The following KDM7A variants were observed in gnomAD, a reference collection of about 807,000 sequenced individuals.
KDM7A encodes lysine-specific demethylase 7A.
KDM7A carries 28 observed loss-of-function variants against 114.8 expected under a neutral mutation model. The ratio of observed to expected loss-of-function variants is 0.24; its 90% confidence interval spans 0.18 to 0.33. The LOEUF is 0.33. KDM7A is among the 10% of genes least tolerant of loss of function. KDM7A has a pLI of 1.00. For missense variants in KDM7A, 942 were observed against 1,142.5 expected (o/e 0.82, Z 2.53); for synonymous variants, 423 against 397.8 (o/e 1.06, Z -0.75).
intron 1 of KDM7A, among the ~76,000 whole-genome samples, chr7:140,160,656 C>T (rs887030844): frequency 6.6e-6 from 1 of 152,108 alleles, no homozygotes; most frequent in Non-Finnish European, 1.5e-5. Context: ...AACAAGTGAT[C>T]CTGAGGGAGA....
chr7:140,122,998 C>T (rs1818639582), intron 7 of KDM7A, among the ~76,000 whole-genome samples: 1 of 152,158 alleles, frequency 6.6e-6, no homozygotes. Flanking sequence ...ATAAAGAATG[C>T]TTACAAACTC....
At chr7:140,159,089 T>C (rs994285026) in intron 1 of KDM7A, among the ~76,000 whole-genome samples, 2 of 152,226 alleles carry the variant, frequency 1.3e-5, no homozygotes, top group African/African-American at 4.8e-5. Context: ...CTCATACCTG[T>C]AATCCCACAC....
chr7:140,162,378 A>G (rs1794530376), intron 1 of KDM7A, among the ~76,000 whole-genome samples: 1 of 152,116 alleles, frequency 6.6e-6, no homozygotes, highest in Non-Finnish European at 1.5e-5. Flanking sequence ...ACAGGAGTCC[A>G]TATTAGATGT....
At chr7:140,167,958 AT>A (rs975273178) in intron 1 of KDM7A, among the ~76,000 whole-genome samples, 16 of 152,340 alleles carry the variant, frequency 1.1e-4, no homozygotes, top group Middle Eastern at 6.8e-3. Context: ...AGAAAAAAAA[AT>A]GTAACCAGAT....
chr7:140,112,680 A>G (rs895894660), intron 10 of KDM7A, among the ~76,000 whole-genome samples: 2 of 152,034 alleles, frequency 1.3e-5, no homozygotes, highest in Non-Finnish European at 2.9e-5. Context: ...CACCTATTAA[A>G]GTATTATGTG....
intron 2 of KDM7A, among the ~76,000 whole-genome samples, chr7:140,137,168 C>T (rs1449220328): frequency 1.3e-5 from 2 of 152,020 alleles, no homozygotes; most frequent in East Asian, 3.8e-4. Flanking sequence ...CAGAGTTGGA[C>T]GTCTGACCAG....
At chr7:140,157,440 C>T (rs924847751) in intron 1 of KDM7A, among the ~76,000 whole-genome samples, 2 of 152,264 alleles carry the variant, frequency 1.3e-5, no homozygotes, top group African/African-American at 4.8e-5. Flanking sequence ...GTCGCCTGAG[C>T]CCAGGAGTTC....
intron 1 of KDM7A, among the ~76,000 whole-genome samples, chr7:140,167,716 A>G (rs914722808): frequency 6.6e-6 from 1 of 152,104 alleles, no homozygotes; most frequent in African/African-American, 2.4e-5. Context: ...GAGGTAGAGA[A>G]AGGATTGTTA....
chr7:140,163,864 TAAAAG>T (rs1188048548), intron 1 of KDM7A, among the ~76,000 whole-genome samples: 1 of 152,088 alleles, frequency 6.6e-6, no homozygotes, highest in African/African-American at 2.4e-5. Context: ...AAAGACTAGA[TAAAAG>T]AAAATTTTCT....
intron 1 of KDM7A, among the ~76,000 whole-genome samples, chr7:140,152,614 A>T (rs1794413144): frequency 7.4e-6 from 1 of 135,480 alleles, no homozygotes; most frequent in South Asian, 2.3e-4. Flanking sequence ...CGAGAGTGAG[A>T]CTCCGTTTCA....
intron 1 of KDM7A, among the ~76,000 whole-genome samples, chr7:140,146,735 G>A (rs1794343606): frequency 1.3e-5 from 2 of 152,220 alleles, no homozygotes; most frequent in African/African-American, 4.8e-5. Context: ...GCCATTTGGT[G>A]AGTGGGGCAG....
intron 6 of KDM7A, among the ~76,000 whole-genome samples, chr7:140,125,457 T>C (rs1818684026): frequency 6.6e-6 from 1 of 152,270 alleles, no homozygotes; most frequent in Non-Finnish European, 1.5e-5. Context: ...GAATTTTTAA[T>C]TACATTCCAT....
intron 3 of KDM7A, 30 bp downstream of exon 3, chr7:140,133,509 A>G (rs1303843185): frequency 8.1e-7 from 1 of 1,241,504 alleles, no homozygotes; most frequent in Non-Finnish European, 1.2e-6. Context: ...ACATTCTTAC[A>G]TTTTCTTTTA....
At chr7:140,120,376 GT>G in intron 8 of KDM7A, 65 bp downstream of exon 8, 2 of 902,716 alleles carry the variant, frequency 2.2e-6, no homozygotes, top group Non-Finnish European at 3.6e-6. Context: ...TTTTTTTTAA[GT>G]TAAAAAAAAA....
intron 9 of KDM7A, 123 bp downstream of exon 9, chr7:140,118,990 A>C (rs1368093588): frequency 5.3e-6 from 3 of 566,316 alleles, no homozygotes; most frequent in Non-Finnish European, 9.4e-6. Context: ...ACTTATTTAA[A>C]AAACAAAATA....
intron 9 of KDM7A, among the ~76,000 whole-genome samples, chr7:140,118,169 T>C (rs971353004): frequency 1.3e-5 from 2 of 152,212 alleles, no homozygotes; most frequent in Admixed American, 1.3e-4. Flanking sequence ...AGTAGCACTA[T>C]TTACAAACTG....
chr7:140,115,672 C>T (rs954659361), intron 9 of KDM7A, among the ~76,000 whole-genome samples: 10 of 151,894 alleles, frequency 6.6e-5, no homozygotes, highest in Non-Finnish European at 1.5e-4. Context: ...GCCGCAGGGT[C>T]CTCTGCCTAG....
Position 140,090,789 on chromosome 7 carries a change from C to G in KDM7A, c.*305G>C, listed in dbSNP as rs1818005191. The G allele has an allele frequency of 9.3e-6, 3 of 323,744 alleles. No individual in the cohort carries two copies. In the East Asian group the frequency reaches 1.5e-4, roughly 16 times the overall value. The allele number at this position is 323,744 out of a possible 1,614,324, so 20.1% of individuals were successfully genotyped here. Reference sequence around the variant, plus strand: ...TTATTGATAATTCTTTACCCTACCACTGAAAATACATCAAGACACTACCAA... The same window carrying G: ...TTATTGATAATTCTTTACCCTACCAGTGAAAATACATCAAGACACTACCAA... On this transcript the variant is annotated 3_prime_UTR_variant, in exon 20 of 20. Coordinates refer to ENST00000397560, the MANE Select transcript of KDM7A (RefSeq NM_030647.2).
At chr7:140,136,814 C>CT (rs1442148268) in intron 2 of KDM7A, among the ~76,000 whole-genome samples, 3 of 152,038 alleles carry the variant, frequency 2.0e-5, no homozygotes, top group Non-Finnish European at 4.4e-5. Flanking sequence ...TGGTGAAACT[C>CT]TGTCTCTACT....
Sources: gnomAD v4.1 joint callset for allele counts (sites outside exome capture counted in the v4.1 genomes callset) on GRCh38, gnomAD v4.1.1 for gene constraint, MANE v1.5 for transcripts, NCBI Gene and HGNC (gene_info 2026-07-23, HGNC 2026-07-21) for gene names.